TUBB4A: variants seen among roughly 807,000 people sequenced by gnomAD.
TUBB4A encodes tubulin beta-4A chain.
In TUBB4A, 13 loss-of-function variants were observed where a neutral mutation model predicts 35.1. The ratio of observed to expected loss-of-function variants is 0.37; its 90% CI spans 0.24 to 0.59. The LOEUF is 0.59. Among genes scored for constraint, TUBB4A ranks in the 20% least tolerant of loss-of-function variants. TUBB4A has a pLI of 0.71. For missense variants in TUBB4A, 299 were observed against 647.2 expected (o/e 0.46, Z 5.84); for synonymous variants, 279 against 272.4 (o/e 1.02, Z -0.24).
chr19:6,496,225 G>C lies in TUBB4A; in HGVS notation c.278-4C>G, dbSNP rs1252404271. ...TTGTTGCCGGCTCCGGATTGGCCTA[G>C]AGAGGGAAGGGGAGGGGACACACAT... On this transcript the variant is annotated splice_region_variant and splice_polypyrimidine_tract_variant and intron_variant, in intron 3 of 3. Coordinates refer to ENST00000264071, the MANE Select transcript of TUBB4A (RefSeq NM_006087.4). 1.6e-5 allele frequency: 25 copies of C among 1,603,490 alleles called. No homozygotes were observed. The Admixed American group carries it at 4.0e-4, about 26-fold the overall frequency.
At chr19:6,497,110 A>AG (rs1473662838) in intron 3 of TUBB4A, among the ~76,000 whole-genome samples, 2 of 122,086 alleles carry the variant, frequency 1.6e-5, no homozygotes, top group Non-Finnish European at 1.6e-5. Flanking sequence ...ACCAGTTACT[A>AG]GGGGGGCTCA....
At position 6,494,625 on chromosome 19, in the gene TUBB4A, TAAAATG is replaced by T; in HGVS notation, c.*533_*538del. The T allele has an allele frequency of 6.3e-6, 1 of 159,412 alleles. No individual in the cohort carries two copies. The highest frequency in any genetic ancestry group is 1.6e-4 in the South Asian group (1 of 6,334). 9.9% of individuals were successfully genotyped at this position (159,412 alleles called of 1,614,324 possible). A position where few individuals can be genotyped will look rare whatever the true frequency, so the allele number is the denominator to read the frequency against. On this transcript the variant is annotated 3_prime_UTR_variant, in exon 4 of 4. Coordinates refer to ENST00000264071, the MANE Select transcript of TUBB4A (RefSeq NM_006087.4). Reference sequence around the variant, plus strand: ...AAACCAGGACTTGCAGGTGTAGAAGTAAAATGGGACTCATAGAGGGTGAAAGAGAAG... The same window carrying T: ...AAACCAGGACTTGCAGGTGTAGAAGTGGACTCATAGAGGGTGAAAGAGAAG...
Position 6,501,544 on chromosome 19 carries a change from C to T in TUBB4A, c.137G>A (p.Arg46Lys). The T allele has an allele frequency of 6.2e-7, 1 of 1,614,142 alleles. No homozygotes were observed. The highest frequency in any genetic ancestry group is 8.5e-7 in the Non-Finnish European group (1 of 1,180,004). ...GGCCTCGTTGTAGTACACGTTGATC[C>T]TCTCCAGTTGCAGGTCACTGTCCCC... The part of the protein sequence containing the change: ...YHGDSDLQLE[R>K]INVYYNEATG... The change falls in exon 2 of 4, where the codon AGG becomes AAG. Residue 46 changes from arginine (R) to lysine (K), a missense_variant. This residue lies in a region of TUBB4A where 123 missense variants were observed against 226.0 expected (regional missense o/e 0.54). Coordinates refer to ENST00000264071, the MANE Select transcript of TUBB4A (RefSeq NM_006087.4). The surrounding 1 kb of genome is among the most constrained non-coding windows in gnomAD (Gnocchi z 4.2).
In TUBB4A at chr19:6,497,025, ATATATATATAT is replaced by A. The variant is rs1354765105; in HGVS notation, c.278-815_278-805del. Among the ~76,000 whole-genome samples, 51 of 8,420 alleles carry A rather than the reference ATATATATATAT, an allele frequency of 6.1e-3. 1 individual carries two copies. The highest frequency in any genetic ancestry group is 0.011 in the South Asian group (1 of 90). 5.5% of individuals were successfully genotyped at this position (8,420 alleles called of 152,430 possible). On this transcript the variant is annotated intron_variant, in intron 3 of 3. Coordinates refer to ENST00000264071, the MANE Select transcript of TUBB4A (RefSeq NM_006087.4). ...AAAAAAAAAAAAAAAAAAAAAAAAA[ATATATATATAT>A]ATATATATATATATATATATATATA...
intron 3 of TUBB4A, among the ~76,000 whole-genome samples, chr19:6,498,019 G>A (rs1216586635): frequency 1.3e-5 from 2 of 151,496 alleles, no homozygotes; most frequent in Non-Finnish European, 2.9e-5. Flanking sequence ...AGACTATCCC[G>A]GCTAACACGG....
In TUBB4A at chr19:6,501,603, G is replaced by A. The variant is rs1334595505; in HGVS notation, c.78C>T (p.Asp26=). 1.9e-6 allele frequency: 3 copies of A among 1,613,846 alleles called. No homozygotes were observed. The highest frequency in any genetic ancestry group is 2.7e-5 in the African/African-American group (2 of 74,912). The change falls in exon 2 of 4, where the codon GAC becomes GAT. Residue 26 remains aspartate (D), a synonymous_variant. Transcript: ENST00000264071. The surrounding 1 kb of genome is among the most constrained non-coding windows in gnomAD (Gnocchi z 4.2). ...IGAKFWEVIS[D]EHGIDPTGTY... ...TGCCTGTGGGGTCGATGCCATGTTC[G>A]TCACTGATAACCTCCCAAAACTAGA...
Position 6,501,965 on chromosome 19 carries a change from G to T in TUBB4A, c.57+191C>A, listed in dbSNP as rs2145260945. Among the ~76,000 whole-genome samples the T allele has an allele frequency of 6.6e-6, 1 of 152,282 alleles. No homozygotes were observed. Among genetic ancestry groups the T allele is most frequent in the African/African-American group, 2.4e-5 (1 of 41,572 alleles). On this transcript the variant is annotated intron_variant, in intron 1 of 3. Transcript: ENST00000264071. This position sits in a 1 kb window ranked among gnomAD's most constrained non-coding sequence, Gnocchi z 4.2. ...AGAAGGCTGGCTCCCACTCTCCGCA[G>T]CCTCTTTGTTCCCAGTCTGGCCCTG... is the stretch of plus-strand genomic sequence containing the variant.
At position 6,494,723 on chromosome 19, in the gene TUBB4A, T is replaced by G. The variant is rs1914032260; in HGVS notation, c.*441A>C. ...TCAGAGGTAGGAGCTGGGGCTCAGG[T>G]GGGGGGTTAAAGGTGAGGCAAGGTC... On this transcript the variant is annotated 3_prime_UTR_variant, in exon 4 of 4. Transcript: ENST00000264071. The G allele has an allele frequency of 1.6e-5, 3 of 191,348 alleles. No homozygotes were observed. Among genetic ancestry groups the G allele is most frequent in the African/African-American group, 2.4e-5 (1 of 40,862 alleles). The allele number at this position is 191,348 out of a possible 1,614,324, so 11.9% of individuals were successfully genotyped here.
At chr19:6,497,915 A>AG (rs1359963062) in intron 3 of TUBB4A, among the ~76,000 whole-genome samples, 9 of 133,182 alleles carry the variant, frequency 6.8e-5, no homozygotes, top group African/African-American at 2.6e-4. Flanking sequence ...AAAAAAAAAA[A>AG]AAAAGAAGAA....
chr19:6,501,261 C>T lies in TUBB4A; in HGVS notation c.277+26G>A, dbSNP rs1914517927. The T allele has an allele frequency of 1.2e-6, 2 of 1,600,844 alleles. No individual in the cohort carries two copies. The highest frequency in any genetic ancestry group is 1.1e-5 in the South Asian group (1 of 90,054). On this transcript the variant is annotated intron_variant, in intron 3 of 3. Transcript: ENST00000264071. This position sits in a 1 kb window ranked among gnomAD's most constrained non-coding sequence, Gnocchi z 4.2. ...AGCAGGAATAAGGAGGTTTTCCAGC[C>T]TCTGGCTCCCTGCTGGGGGACTCAC... is the stretch of plus-strand genomic sequence containing the variant.
In TUBB4A at chr19:6,496,162, C is replaced by A; in HGVS notation, c.337G>T (p.Val113Leu). The change falls in exon 4 of 4, where the codon GTG becomes TTG. Residue 113 changes from valine (V) to leucine (L), a missense_variant. Around this residue, in one of 5 missense-constraint regions of TUBB4A, gnomAD observed 123 missense variants for 226.0 expected, o/e 0.54. Coordinates refer to ENST00000264071, the MANE Select transcript of TUBB4A (RefSeq NM_006087.4). ...KGHYTEGAEL[V>L]DAVLDVVRKE... ...CGGACTACGTCCAGGACAGCGTCCACCAGCTCTGCGCCCTCCGTGTAGTGC... is the reference window on the plus strand; with the variant it reads ...CGGACTACGTCCAGGACAGCGTCCAACAGCTCTGCGCCCTCCGTGTAGTGC... The A allele has an allele frequency of 6.2e-7, 1 of 1,614,178 alleles. No homozygotes were observed. Among genetic ancestry groups the A allele is most frequent in the Non-Finnish European group, 8.5e-7 (1 of 1,180,040 alleles).
chr19:6,497,885 C>CGT (rs1914327439), intron 3 of TUBB4A, among the ~76,000 whole-genome samples: 2 of 58,540 alleles, frequency 3.4e-5, no homozygotes. Context: ...TGGGCGACAG[C>CGT]AAGACTCCGT....
rs559838746 is a variant in TUBB4A at position 6,494,538 on chromosome 19, G to A, written c.*626C>T. ...GGTAGGAGCTGACGCTGTGGGGGGT[G>A]GGGGGTGAAAGGTGAGGCAAGGTCA... On this transcript the variant is annotated 3_prime_UTR_variant, in exon 4 of 4. Coordinates refer to ENST00000264071, the MANE Select transcript of TUBB4A (RefSeq NM_006087.4). 3.5e-4 allele frequency: 55 copies of A among 155,896 alleles called. 2 individuals carry two copies. The highest frequency in any genetic ancestry group is 1.3e-3 in the African/African-American group (54 of 41,410). 9.7% of individuals were successfully genotyped at this position (155,896 alleles called of 1,614,324 possible).
intron 3 of TUBB4A, among the ~76,000 whole-genome samples, chr19:6,497,759 C>G (rs1278961958): frequency 6.6e-6 from 1 of 150,886 alleles, no homozygotes; most frequent in Non-Finnish European, 1.5e-5. Flanking sequence ...CAGTGAAACC[C>G]TGTCTCTACT....
chr19:6,497,090 C>T (rs1161305064), intron 3 of TUBB4A, among the ~76,000 whole-genome samples: 1 of 111,458 alleles, frequency 9.0e-6, no homozygotes, highest in Non-Finnish European at 1.7e-5. Flanking sequence ...GGTGGTGGCA[C>T]ACCTGTAGTA....
chr19:6,496,288 C>T, intron 3 of TUBB4A, 67 bp from the exon 4 acceptor site: 3 of 1,467,910 alleles, frequency 2.0e-6, no homozygotes, highest in East Asian at 4.6e-5. Flanking sequence ...CTCTGTCTCT[C>T]CACCACCTGG....
rs1203178469 is a variant in TUBB4A at position 6,495,384 on chromosome 19, G to A, written c.1115C>T (p.Thr372Met). 7 of 1,613,820 alleles carry A rather than the reference G, an allele frequency of 4.3e-6. No homozygotes were observed. Among genetic ancestry groups the A allele is most frequent in the South Asian group, 1.1e-5 (1 of 91,080 alleles). ...KMAATFIGNS[T>M]AIQELFKRIS... ...GCGCTTGAACAGCTCCTGGATGGCC[G>A]TGCTGTTGCCGATGAAGGTCGCGGC... The change falls in exon 4 of 4, where the codon ACG becomes ATG. Residue 372 changes from threonine (T) to methionine (M), a missense_variant. Physicochemically the swap from Thr to Met is moderately conservative, Grantham distance 81. Transcript: ENST00000264071. The surrounding 1 kb of genome is among the most constrained non-coding windows in gnomAD (Gnocchi z 8.7).
intron 3 of TUBB4A, among the ~76,000 whole-genome samples, chr19:6,500,429 C>A (rs1222412115): frequency 2.0e-5 from 3 of 152,308 alleles, no homozygotes; most frequent in Middle Eastern, 3.4e-3. Context: ...CCACCATGCC[C>A]AGTGAAATCC....
intron 3 of TUBB4A, chr19:6,500,745 G>GAAA (rs113460662): frequency 0.024 from 3,021 of 126,134 alleles, 161 homozygotes; most frequent in African/African-American, 0.083. Context: ...GACCCTGTCT[G>GAAA]AAAAAAAAAA....
Sources: gnomAD v4.1 joint callset for allele counts (sites outside exome capture counted in the v4.1 genomes callset) on GRCh38, gnomAD v4.1.1 for gene constraint, gnomAD v4.1.1 regional missense constraint, Gnocchi (gnomAD v3.1) non-coding constraint, MANE v1.5 for transcripts, NCBI Gene and HGNC (gene_info 2026-07-23, HGNC 2026-07-21) for gene names.